LIG1: variants seen among roughly 807,000 people sequenced by gnomAD.
LIG1 encodes the protein DNA ligase 1.
LIG1 carries 70 observed loss-of-function variants against 115.7 expected under a neutral mutation model. That is an observed-to-expected ratio of 0.60 (90% CI 0.50 to 0.74). LIG1 has a LOEUF of 0.74. Ranked by LOEUF, LIG1 falls within the 30% of genes least tolerant of loss-of-function variation. The pLI is 0.00. For missense variants in LIG1, 1,115 were observed against 1,225.6 expected, an observed-to-expected ratio of 0.91 and a Z score of 1.35; for synonymous variants, 487 against 495.3, an observed-to-expected ratio of 0.98 and a Z score of 0.22.
chr19:48,167,801 G>A (rs2036556479), intron 1 of LIG1, among the ~76,000 whole-genome samples: 2 of 150,402 alleles, frequency 1.3e-5, no homozygotes, highest in Non-Finnish European at 3.0e-5. Context: ...ACTCCAGCCT[G>A]GGCGACAGAG....
rs146614254 is a variant in LIG1 at position 48,150,155 on chromosome 19, T to G, written c.630A>C (p.Glu210Asp). 4.5e-5 allele frequency: 72 copies of G among 1,614,188 alleles called. No individual in the cohort carries two copies. The African/African-American group carries it at 9.2e-4, about 21-fold the overall frequency. The change falls in exon 8 of 28, where the codon GAA (glutamate) becomes GAC (aspartate). Residue 210 changes from glutamate to aspartate, a missense_variant. Coordinates refer to ENST00000263274, the MANE Select transcript of LIG1 (RefSeq NM_000234.3). ...TGGTCTGCTCTTCCTCCTCCTGCAG[T>G]TCCTGCTTCGTGGCCACCTCAGGCT... ...VSEPEVATKQ[E>D]LQEEEEQTKP...
intron 14 of LIG1, 138 bp from the exon 15 acceptor site, chr19:48,136,263 G>A: frequency 1.5e-6 from 1 of 659,382 alleles, no homozygotes; most frequent in Non-Finnish European, 2.7e-6. Context: ...GCCTGGAAGG[G>A]ACCCCAGATA....
chr19:48,150,185 A>G lies in LIG1; in HGVS notation c.600T>C (p.Val200=). Residue 200 remains valine, a synonymous_variant, in exon 8 of 28, where the codon GTT becomes GTC. Transcript: ENST00000263274. The part of the protein sequence containing the change: ...TSKAETPTES[V]SEPEVATKQE... ...GCTTCGTGGCCACCTCAGGCTCTGAAACGCTTTCCGTCGGGGTCTCTGCTT... is the reference window on the plus strand; with the variant it reads ...GCTTCGTGGCCACCTCAGGCTCTGAGACGCTTTCCGTCGGGGTCTCTGCTT... 6.2e-7 allele frequency: 1 copy of G among 1,614,120 alleles called. No individual in the cohort carries two copies. The highest frequency in any genetic ancestry group is 8.5e-7 in the Non-Finnish European group (1 of 1,180,038).
intron 17 of LIG1, chr19:48,133,635 C>T (rs573297785): frequency 8.4e-6 from 3 of 356,374 alleles, no homozygotes; most frequent in East Asian, 6.7e-5. Context: ...CTCACTCTGT[C>T]GCCCAGCTGG....
intron 19 of LIG1, 38 bp from the exon 20 acceptor site, chr19:48,128,058 G>A (rs1353829556): frequency 2.0e-6 from 3 of 1,518,858 alleles, no homozygotes; most frequent in Non-Finnish European, 2.7e-6. Flanking sequence ...CCTGAGAGAG[G>A]TGGAAGATGA....
chr19:48,120,474 T>C, intron 24 of LIG1: 1 of 985,432 alleles, frequency 1.0e-6, no homozygotes, highest in Non-Finnish European at 1.2e-6. Context: ...GTTCTGTTTC[T>C]GTGGCAAAAG....
At chr19:48,150,336 C>T in intron 7 of LIG1, 126 bp from the exon 8 acceptor site, 1 of 1,410,320 alleles carries the variant, frequency 7.1e-7, no homozygotes, top group Non-Finnish European at 9.8e-7. Flanking sequence ...TACCCTTTTC[C>T]TTTCTGTTAG....
Position 48,157,014 on chromosome 19 carries a change from C to G in LIG1, c.370G>C (p.Ala124Pro). ...SPSGIPKRRT[A>P]RKQLPKRTIQ... ...GGGGCAGGGGCCCGTGTGTTCTCACCTGTGCGACGCTTCGGAATCCCTGAT... is the reference window on the plus strand; with the variant it reads ...GGGGCAGGGGCCCGTGTGTTCTCACGTGTGCGACGCTTCGGAATCCCTGAT... The change falls in exon 5 of 28, where the codon GCT becomes CCT. Residue 124 changes from alanine to proline, a missense_variant and splice_region_variant. Physicochemically the swap from Ala to Pro is conservative, Grantham distance 27. Transcript: ENST00000263274. 1 of 1,608,066 alleles carries G rather than the reference C, an allele frequency of 6.2e-7. No homozygotes were observed. The highest frequency in any genetic ancestry group is 1.7e-4 in the Middle Eastern group (1 of 5,994).
chr19:48,151,208 C>T (rs368979589), intron 7 of LIG1, 24 bp downstream of exon 7: 18 of 1,466,002 alleles, frequency 1.2e-5, no homozygotes, highest in East Asian at 4.5e-5. Context: ...TGGGGCAGGG[C>T]GGAGGAGAGG....
chr19:48,126,974 G>A, intron 21 of LIG1: 1 of 409,600 alleles, frequency 2.4e-6, no homozygotes, highest in Non-Finnish European at 4.6e-6. Flanking sequence ...CTAATATCTG[G>A]CTTAACAGAG....
intron 6 of LIG1, among the ~76,000 whole-genome samples, chr19:48,152,400 G>A (rs1052851403): frequency 6.6e-6 from 1 of 152,238 alleles, no homozygotes; most frequent in Non-Finnish European, 1.5e-5. Flanking sequence ...TGGGAGTACA[G>A]GCGTGAGCCA....
At chr19:48,145,263 G>A (rs1241636149) in intron 9 of LIG1, among the ~76,000 whole-genome samples, 3 of 152,170 alleles carry the variant, frequency 2.0e-5, no homozygotes, top group Non-Finnish European at 4.4e-5. Context: ...GACTCATCTG[G>A]GTTCCAATCT....
At chr19:48,144,036 T>C in intron 9 of LIG1, 73 bp from the exon 10 acceptor site, 1 of 1,215,712 alleles carries the variant, frequency 8.2e-7, no homozygotes, top group East Asian at 2.3e-5. Flanking sequence ...CCAACTGTGA[T>C]GTGCCAGGCT....
chr19:48,116,854 T>C (rs988558271), intron 26 of LIG1, among the ~76,000 whole-genome samples: 1 of 152,048 alleles, frequency 6.6e-6, no homozygotes, highest in African/African-American at 2.4e-5. Flanking sequence ...AAAATGTAAG[T>C]TCTTGGCTGG....
chr19:48,156,434 G>T (rs3730872), intron 5 of LIG1, among the ~76,000 whole-genome samples: 2 of 152,060 alleles, frequency 1.3e-5, no homozygotes, highest in Non-Finnish European at 2.9e-5. Context: ...TCTGAGCAGC[G>T]TACACGTGTT....
At chr19:48,159,129 G>GT (rs2036024853) in intron 4 of LIG1, among the ~76,000 whole-genome samples, 2 of 151,354 alleles carry the variant, frequency 1.3e-5, no homozygotes, top group African/African-American at 4.9e-5. Context: ...TCAGGCTGGA[G>GT]TGCAATGGCA....
chr19:48,125,039 G>A (rs2033573071), intron 21 of LIG1, among the ~76,000 whole-genome samples: 1 of 151,270 alleles, frequency 6.6e-6, no homozygotes, highest in Non-Finnish European at 1.5e-5. Flanking sequence ...ATGGGGATGA[G>A]GACACATTAA....
At chr19:48,126,612 A>G (rs1263072848) in intron 21 of LIG1, among the ~76,000 whole-genome samples, 1 of 152,028 alleles carries the variant, frequency 6.6e-6, no homozygotes, top group African/African-American at 2.4e-5. Context: ...ATCTCAAAAA[A>G]AAAAAAAAAA....
chr19:48,154,252 G>A (rs2035694971), intron 5 of LIG1: 2 of 405,236 alleles, frequency 4.9e-6, no homozygotes, highest in African/African-American at 2.1e-5. Flanking sequence ...ACTTGGCACA[G>A]TACCGATTCC....
Sources: allele counts gnomAD v4.1 joint callset (sites outside exome capture counted in the v4.1 genomes callset), GRCh38; gene constraint gnomAD v4.1.1; transcripts MANE v1.5; gene names NCBI Gene and HGNC (gene_info 2026-07-23, HGNC 2026-07-21).